The following TMEM132D variants were observed in gnomAD, a reference collection of about 807,000 sequenced individuals.
TMEM132D encodes the protein transmembrane protein 132D, also known as mature OL transmembrane protein.
Under a neutral mutation model 62.3 loss-of-function variants are expected in TMEM132D, and 21 were observed. That is an observed-to-expected ratio of 0.34 (90% CI 0.24 to 0.49). The LOEUF is 0.49. TMEM132D is among the 20% of genes least tolerant of loss of function. The pLI, the probability that TMEM132D is intolerant of heterozygous loss-of-function variation, is 0.99. For synonymous variants in TMEM132D, 621 were observed against 575.6 expected (o/e 1.08, Z -1.13); for missense variants, 1,346 against 1,402.8 (o/e 0.96, Z 0.65).
chr12:129,794,735 C>T (rs912527633), intron 1 of TMEM132D, among the ~76,000 whole-genome samples: 3 of 151,976 alleles, frequency 2.0e-5, no homozygotes, highest in East Asian at 1.9e-4. Flanking sequence ...TCTGTGAGTG[C>T]GATCTTTTTT....
At chr12:129,226,993 C>G (rs1451414290) in intron 4 of TMEM132D, among the ~76,000 whole-genome samples, 2 of 152,116 alleles carry the variant, frequency 1.3e-5, no homozygotes, top group African/African-American at 4.8e-5. Context: ...TATTTAGCGT[C>G]AAGTTTCAGA....
At chr12:129,817,938 T>TGTGTGTGTGTGGTGTGAG (rs572920483) in intron 1 of TMEM132D, among the ~76,000 whole-genome samples, 12,577 of 141,094 alleles carry the variant, frequency 0.089, 616 homozygotes, top group East Asian at 0.15. Flanking sequence ...TGGTTTGGAG[T>TGTGTGTGTGTGGTGTGAG]GTGTGTGTGT....
At chr12:129,614,102 A>C (rs79800127) in intron 2 of TMEM132D, among the ~76,000 whole-genome samples, 3 of 137,238 alleles carry the variant, frequency 2.2e-5, no homozygotes, top group South Asian at 6.1e-4. Flanking sequence ...CTGTCTCCAT[A>C]ACCTAGGCGA....
rs149445421 is a variant in TMEM132D at position 129,633,916 on chromosome 12, C to T, written c.968+65894G>A. Among the ~76,000 whole-genome samples, 262 of 152,226 alleles carry T rather than the reference C, an allele frequency of 1.7e-3. 2 individuals carry two copies. The highest frequency in any genetic ancestry group is 5.9e-3 in the African/African-American group (243 of 41,520). On this transcript the variant is annotated intron_variant, in intron 2 of 8. Transcript: ENST00000422113. ...TAAGCCAGTAACTTCTGAGACATGCCTTCCCACCTAAGTTAATAGAACAAT... is the reference window on the plus strand; with the variant it reads ...TAAGCCAGTAACTTCTGAGACATGCTTTCCCACCTAAGTTAATAGAACAAT...
At chr12:129,321,716 G>A (rs182583612) in intron 4 of TMEM132D, among the ~76,000 whole-genome samples, 202 of 151,998 alleles carry the variant, frequency 1.3e-3, no homozygotes, top group Non-Finnish European at 2.2e-3. Context: ...CCGCCACCAC[G>A]CCCAGCTAAT....
chr12:129,097,097 C>T (rs1411168931), intron 5 of TMEM132D, among the ~76,000 whole-genome samples: 2 of 152,252 alleles, frequency 1.3e-5, no homozygotes, highest in Non-Finnish European at 1.5e-5. Flanking sequence ...GGTTTCTCTG[C>T]CCCTGCCCTG....
intron 3 of TMEM132D, among the ~76,000 whole-genome samples, chr12:129,409,923 T>TTA (rs955510087): frequency 1.1e-4 from 17 of 152,134 alleles, no homozygotes; most frequent in African/African-American, 4.1e-4. Context: ...GGACTATGAG[T>TTA]TAACGTAGAC....
At chr12:129,194,005 AC>A (rs1174665798) in intron 5 of TMEM132D, among the ~76,000 whole-genome samples, 1 of 152,182 alleles carries the variant, frequency 6.6e-6, no homozygotes, top group African/African-American at 2.4e-5. Flanking sequence ...CTAAAGCCTG[AC>A]TTTTGGCATT....
intron 5 of TMEM132D, among the ~76,000 whole-genome samples, chr12:129,117,979 T>C (rs1875945059): frequency 6.6e-6 from 1 of 152,210 alleles, no homozygotes; most frequent in African/African-American, 2.4e-5. Context: ...CTTTCCTGGC[T>C]AGAGCTCCCC....
chr12:129,707,654 T>C (rs886873435), intron 1 of TMEM132D, among the ~76,000 whole-genome samples: 1 of 152,234 alleles, frequency 6.6e-6, no homozygotes, highest in Non-Finnish European at 1.5e-5. Flanking sequence ...CATCAATATG[T>C]TGGACAGTAT....
intron 1 of TMEM132D, among the ~76,000 whole-genome samples, chr12:129,781,745 G>A (rs532387497): frequency 6.6e-6 from 1 of 152,152 alleles, no homozygotes; most frequent in Admixed American, 6.5e-5. Flanking sequence ...CATCACATTG[G>A]CAACAGCTTC....
rs1020614878 is a variant in TMEM132D at position 129,723,161 on chromosome 12, G to A, written c.80-22463C>T. ...AAAATCCCTTTTCAATTACTTTTCC[G>A]TCACTCTGTTTAAGTCTAGGAGAAC... On this transcript the variant is annotated intron_variant, in intron 1 of 8. Transcript: ENST00000422113. Among the ~76,000 whole-genome samples the A allele has an allele frequency of 7.2e-5, 11 of 152,272 alleles. No homozygotes were observed. The South Asian group carries it at 1.0e-3, about 14-fold the overall frequency.
At chr12:129,075,360 A>G (rs556559378) in intron 8 of TMEM132D, among the ~76,000 whole-genome samples, 1 of 151,686 alleles carries the variant, frequency 6.6e-6, no homozygotes, top group South Asian at 2.1e-4. Context: ...TAAAAGGAAG[A>G]TGGGCCCTTG....
intron 2 of TMEM132D, among the ~76,000 whole-genome samples, chr12:129,562,280 C>G (rs73155296): frequency 0.13 from 19,972 of 152,032 alleles, 1,756 homozygotes; most frequent in Non-Finnish European, 0.19. Context: ...GCAGATTATT[C>G]CATAGTAGAT....
chr12:129,463,970 A>T (rs898858389), intron 3 of TMEM132D, among the ~76,000 whole-genome samples: 8 of 150,132 alleles, frequency 5.3e-5, no homozygotes, highest in African/African-American at 2.0e-4. Flanking sequence ...CATGATTTAT[A>T]GTCCTTTGGG....
At chr12:129,658,673 C>T in intron 2 of TMEM132D, among the ~76,000 whole-genome samples, 1 of 152,132 alleles carries the variant, frequency 6.6e-6, no homozygotes, top group East Asian at 1.9e-4. Context: ...CTTGAAGCTT[C>T]AGCCTAATTC....
intron 3 of TMEM132D, among the ~76,000 whole-genome samples, chr12:129,528,110 T>G (rs1566099432): frequency 6.6e-6 from 1 of 152,198 alleles, no homozygotes; most frequent in Non-Finnish European, 1.5e-5. Flanking sequence ...CTTTTAAGAA[T>G]AACTAGAAAA....
chr12:129,574,444 C>G (rs1230833919), intron 2 of TMEM132D, among the ~76,000 whole-genome samples: 1 of 151,886 alleles, frequency 6.6e-6, no homozygotes, highest in Non-Finnish European at 1.5e-5. Context: ...AATTAGAGAG[C>G]AAAGGCATCC....
intron 4 of TMEM132D, among the ~76,000 whole-genome samples, chr12:129,240,621 T>G (rs1593308062): frequency 1.3e-5 from 2 of 152,328 alleles, no homozygotes; most frequent in East Asian, 3.9e-4. Context: ...AGCTTTATGA[T>G]TTTGAATGTT....
Sources: gnomAD v4.1 joint callset for allele counts (sites outside exome capture counted in the v4.1 genomes callset) on GRCh38, gnomAD v4.1.1 for gene constraint, MANE v1.5 for transcripts, NCBI Gene and HGNC (gene_info 2026-07-23, HGNC 2026-07-21) for gene names.